USP34: variants seen among roughly 807,000 people sequenced by gnomAD.
USP34 encodes the protein ubiquitin carboxyl-terminal hydrolase 34.
USP34 carries 70 observed loss-of-function variants against 460.3 expected under a neutral mutation model. The observed-to-expected ratio is 0.15, with a 90% CI of 0.13 to 0.19. USP34 has a LOEUF of 0.19. USP34 is among the 10% of genes least tolerant of loss of function. The pLI, the probability that USP34 is intolerant of heterozygous loss-of-function variation, is 1.00. For synonymous variants in USP34, 1,647 were observed against 1,405.3 expected, an observed-to-expected ratio of 1.17 and a Z score of -3.85; for missense variants, 3,985 against 4,236.2, an observed-to-expected ratio of 0.94 and a Z score of 1.65.
chr2:61,270,193 C>T (rs1475720493), intron 41 of USP34, among the ~76,000 whole-genome samples: 1 of 152,190 alleles, frequency 6.6e-6, no homozygotes, highest in African/African-American at 2.4e-5. Flanking sequence ...GTTATTAAGT[C>T]ATGAGGACTC....
intron 75 of USP34, among the ~76,000 whole-genome samples, chr2:61,195,544 C>T (rs985049387): frequency 1.6e-4 from 24 of 151,620 alleles, no homozygotes; most frequent in African/African-American, 4.8e-5. Flanking sequence ...TGGTGGCACG[C>T]ACCTGTAATC....
chr2:61,385,598 G>A (rs1055562169), intron 5 of USP34, among the ~76,000 whole-genome samples: 4 of 147,592 alleles, frequency 2.7e-5, no homozygotes, highest in Admixed American at 1.4e-4. Context: ...CGTGAACCTG[G>A]GAGGCGGAGC....
chr2:61,440,679 G>A (rs1182676986), intron 1 of USP34, among the ~76,000 whole-genome samples: 8 of 151,706 alleles, frequency 5.3e-5, no homozygotes, highest in South Asian at 2.1e-4. Flanking sequence ...CACCATACCC[G>A]GCTACTTTTT....
chr2:61,204,431 A>G (rs1687059069), intron 73 of USP34, 51 bp from the exon 74 acceptor site: 1 of 1,613,360 alleles, frequency 6.2e-7, no homozygotes, highest in Non-Finnish European at 8.5e-7. Flanking sequence ...ATAAATCTCC[A>G]TGCTTCAGTG....
Position 61,333,938 on chromosome 2 carries a change from T to C in USP34, c.2778A>G (p.Lys926=). The C allele has an allele frequency of 6.3e-7, 1 of 1,597,780 alleles. No homozygotes were observed. The highest frequency in any genetic ancestry group is 1.1e-5 in the South Asian group (1 of 87,396). ...CAAACTGCTGAAAAGTACCAAATAG[T>C]TTTGGAAGAAGACGAAGTGAAATTA... The part of the protein sequence containing the change: ...SVVISLRLLP[K]LFGTFQQFGS... The change falls in exon 19 of 80, where the codon AAA becomes AAG. Residue 926 remains lysine (K), a synonymous_variant. Coordinates refer to ENST00000398571, the MANE Select transcript of USP34 (RefSeq NM_014709.4).
In USP34 at chr2:61,343,909, C is replaced by T. The variant is rs1469148733; in HGVS notation, c.2406G>A (p.Glu802=). 5.6e-6 allele frequency: 9 copies of T among 1,613,918 alleles called. No homozygotes were observed. Among genetic ancestry groups the T allele is most frequent in the African/African-American group, 1.3e-5 (1 of 75,014 alleles). Residue 802 remains glutamate (E), a synonymous_variant, in exon 16 of 80, where the codon GAG becomes GAA. Coordinates refer to ENST00000398571, the MANE Select transcript of USP34 (RefSeq NM_014709.4). ...CCGCATGTGAATTAATCTGAACTAG[C>T]TCCTCTTCACATCCAGATTCTTCAC... ...FDGEESGCEE[E]LVQINSHAEL...
In USP34 at chr2:61,311,836, T is replaced by C; in HGVS notation, c.3617A>G (p.Lys1206Arg). The change falls in exon 26 of 80, where the codon AAA becomes AGA. Residue 1206 changes from lysine to arginine, a missense_variant. Physicochemically the swap from Lys to Arg is conservative, Grantham distance 26. Transcript: ENST00000398571. ...TACAACCCTTAGCGGCAGAGACTGT[T>C]TGTCACTCAGTGCTTTCAAATGACT... ...ISSHLKALSD[K>R]QSLPLRVVCQ... The C allele has an allele frequency of 6.2e-7, 1 of 1,614,068 alleles. No individual in the cohort carries two copies. Among genetic ancestry groups the C allele is most frequent in the Non-Finnish European group, 8.5e-7 (1 of 1,179,956 alleles).
chr2:61,324,567 G>A (rs1477366578), intron 21 of USP34, among the ~76,000 whole-genome samples: 1 of 152,142 alleles, frequency 6.6e-6, no homozygotes. Flanking sequence ...GGGCCCATGA[G>A]TTTGAGACCA....
intron 75 of USP34, chr2:61,194,183 C>T: frequency 1.0e-6 from 1 of 985,388 alleles, no homozygotes; most frequent in South Asian, 4.7e-5. Flanking sequence ...CCTAGGATCC[C>T]TTCCACAGGT....
intron 1 of USP34, among the ~76,000 whole-genome samples, chr2:61,467,306 A>T (rs536350504): frequency 6.6e-6 from 1 of 152,158 alleles, no homozygotes; most frequent in East Asian, 1.9e-4. Context: ...CTGTCTCCAA[A>T]TAAAAAATAA....
chr2:61,300,408 T>C (rs1257056843), intron 29 of USP34, among the ~76,000 whole-genome samples: 1 of 151,196 alleles, frequency 6.6e-6, no homozygotes, highest in African/African-American at 2.4e-5. Flanking sequence ...AGGCTGCTCT[T>C]GAACTCCTGA....
intron 1 of USP34, among the ~76,000 whole-genome samples, chr2:61,465,030 T>C (rs1695720706): frequency 6.6e-6 from 1 of 152,190 alleles, no homozygotes; most frequent in Non-Finnish European, 1.5e-5. Flanking sequence ...ATTTACTCAA[T>C]ACATCCAAGC....
chr2:61,271,253 G>A (rs1176835246), intron 41 of USP34, among the ~76,000 whole-genome samples: 2 of 152,154 alleles, frequency 1.3e-5, no homozygotes, highest in Non-Finnish European at 2.9e-5. Flanking sequence ...GCAGTGGACC[G>A]AGATCGCACC....
rs1472279761 is a variant in USP34, at chr2:61,380,200, G to A, written c.983C>T (p.Thr328Ile). 2.5e-6 allele frequency: 4 copies of A among 1,613,702 alleles called. No individual in the cohort carries two copies. Among genetic ancestry groups the A allele is most frequent in the Non-Finnish European group, 3.4e-6 (4 of 1,179,840 alleles). ...AFKYFMSPTL[T>I]MRLAGLSQIT... ...CTGACTCAATCCAGCCAACCTCATA[G>A]TCAAAGTAGGTGACATAAAGTACTT... is the stretch of plus-strand genomic sequence containing the variant. Residue 328 changes from threonine (T) to isoleucine (I), a missense_variant, in exon 7 of 80, where the codon ACT (threonine) becomes ATT (isoleucine). Transcript: ENST00000398571.
At chr2:61,385,252 C>T (rs577018736) in intron 5 of USP34, among the ~76,000 whole-genome samples, 3 of 152,008 alleles carry the variant, frequency 2.0e-5, no homozygotes, top group African/African-American at 7.2e-5. Flanking sequence ...GAGACATTTG[C>T]CATATTTATT....
intron 57 of USP34, among the ~76,000 whole-genome samples, chr2:61,233,277 G>A (rs1290222756): frequency 1.3e-5 from 2 of 151,986 alleles, no homozygotes; most frequent in Non-Finnish European, 2.9e-5. Context: ...AGAAGAGAAG[G>A]AAACAGAGGA....
intron 48 of USP34, among the ~76,000 whole-genome samples, chr2:61,255,376 C>T (rs1558493669): frequency 6.6e-6 from 1 of 152,192 alleles, no homozygotes; most frequent in East Asian, 1.9e-4. Flanking sequence ...CTAACTGTAA[C>T]AGCCAACTGC....
At chr2:61,386,169 G>A (rs867592973) in intron 5 of USP34, among the ~76,000 whole-genome samples, 5 of 152,034 alleles carry the variant, frequency 3.3e-5, no homozygotes, top group East Asian at 3.9e-4. Context: ...AAAAACATCC[G>A]ATTTGGCTCA....
At chr2:61,377,378 G>C (rs1692829103) in intron 8 of USP34, among the ~76,000 whole-genome samples, 1 of 151,994 alleles carries the variant, frequency 6.6e-6, no homozygotes, top group Non-Finnish European at 1.5e-5. Context: ...TTTTAAAACT[G>C]ATTTCTATAC....
Sources: allele counts gnomAD v4.1 joint callset (sites outside exome capture counted in the v4.1 genomes callset), GRCh38; gene constraint gnomAD v4.1.1; transcripts MANE v1.5; gene names NCBI Gene and HGNC (gene_info 2026-07-23, HGNC 2026-07-21).